Variants in DYNC1I1 observed in about 807,000 individuals in gnomAD.
DYNC1I1 encodes cytoplasmic dynein 1 intermediate chain 1.
A neutral mutation model predicts 86.6 loss-of-function variants in DYNC1I1; 43 were observed. The ratio of observed to expected loss-of-function variants is 0.50; its 90% CI spans 0.39 to 0.64. DYNC1I1 has a LOEUF of 0.64. DYNC1I1 is among the 30% of genes least tolerant of loss of function. The pLI, the probability that DYNC1I1 is intolerant of heterozygous loss-of-function variation, is 0.00. For missense variants in DYNC1I1, 604 were observed against 788.8 expected (o/e 0.77, Z 2.81); for synonymous variants, 262 against 283.7 (o/e 0.92, Z 0.77).
intron 5 of DYNC1I1, among the ~76,000 whole-genome samples, chr7:95,849,431 A>G (rs1157170413): frequency 1.3e-5 from 2 of 152,136 alleles, no homozygotes; most frequent in African/African-American, 4.8e-5. Context: ...ATTCTTCTGC[A>G]TGTGGATATC....
chr7:95,921,983 G>C (rs1019573394), intron 6 of DYNC1I1, among the ~76,000 whole-genome samples: 1 of 152,096 alleles, frequency 6.6e-6, no homozygotes, highest in Admixed American at 6.6e-5. Flanking sequence ...AATTTAAATT[G>C]TTAACTAGAA....
chr7:95,807,483 A>G (rs1311511514), intron 2 of DYNC1I1, among the ~76,000 whole-genome samples: 1 of 152,138 alleles, frequency 6.6e-6, no homozygotes, highest in Non-Finnish European at 1.5e-5. Flanking sequence ...TCAGGTCTGG[A>G]CAGGCATAGC....
intron 1 of DYNC1I1, among the ~76,000 whole-genome samples, chr7:95,796,640 A>C (rs922274714): frequency 2.6e-5 from 4 of 151,914 alleles, no homozygotes; most frequent in Non-Finnish European, 4.4e-5. Context: ...TCTGCCTTTC[A>C]CTATTTCTTT....
intron 14 of DYNC1I1, among the ~76,000 whole-genome samples, chr7:96,040,749 T>C (rs1789021095): frequency 6.6e-6 from 1 of 151,186 alleles, no homozygotes; most frequent in Non-Finnish European, 1.5e-5. Flanking sequence ...TGAAACATAG[T>C]CTCGCTCTGT....
At chr7:95,928,017 G>A (rs915021452) in intron 6 of DYNC1I1, among the ~76,000 whole-genome samples, 4 of 152,154 alleles carry the variant, frequency 2.6e-5, no homozygotes, top group Admixed American at 1.3e-4. Context: ...GGAAGCCTGC[G>A]CCCTGCCAGC....
intron 12 of DYNC1I1, among the ~76,000 whole-genome samples, chr7:96,033,449 C>T (rs1794859013): frequency 6.6e-6 from 1 of 152,192 alleles, no homozygotes; most frequent in Non-Finnish European, 1.5e-5. Flanking sequence ...GACAAACACA[C>T]AAGACATGCG....
chr7:96,028,654 C>T (rs992167046), intron 11 of DYNC1I1, among the ~76,000 whole-genome samples: 4 of 152,114 alleles, frequency 2.6e-5, no homozygotes, highest in Admixed American at 1.3e-4. Context: ...GGTGGAAACA[C>T]GTATTTTCAA....
At chr7:96,021,190 C>T (rs1431845595) in intron 10 of DYNC1I1, among the ~76,000 whole-genome samples, 1 of 152,154 alleles carries the variant, frequency 6.6e-6, no homozygotes, top group Non-Finnish European at 1.5e-5. Flanking sequence ...TATTTCACCA[C>T]AATTTTAAAA....
chr7:95,858,384 G>A (rs1285265344), intron 5 of DYNC1I1, among the ~76,000 whole-genome samples: 1 of 152,080 alleles, frequency 6.6e-6, no homozygotes, highest in African/African-American at 2.4e-5. Flanking sequence ...GATGTATGTG[G>A]CTGCTGCTGG....
chr7:95,881,983 G>A (rs538329824), intron 6 of DYNC1I1, among the ~76,000 whole-genome samples: 1 of 152,254 alleles, frequency 6.6e-6, no homozygotes, highest in Non-Finnish European at 1.5e-5. Context: ...CCATTTGTTT[G>A]ATATATGCTC....
intron 16 of DYNC1I1, among the ~76,000 whole-genome samples, chr7:96,092,248 A>G (rs1790870856): frequency 6.6e-6 from 1 of 152,226 alleles, no homozygotes; most frequent in Non-Finnish European, 1.5e-5. Context: ...GGAAGAAAGA[A>G]AATAAAAAAA....
At chr7:95,922,227 G>A (rs1221777909) in intron 6 of DYNC1I1, among the ~76,000 whole-genome samples, 1 of 151,838 alleles carries the variant, frequency 6.6e-6, no homozygotes, top group Non-Finnish European at 1.5e-5. Flanking sequence ...GTGTGTAAAG[G>A]TGGTTTCAGT....
At chr7:95,934,079 TGA>T (rs1791975656) in intron 6 of DYNC1I1, among the ~76,000 whole-genome samples, 1 of 151,906 alleles carries the variant, frequency 6.6e-6, no homozygotes, top group Non-Finnish European at 1.5e-5. Flanking sequence ...CTTGGAACAG[TGA>T]TAAAGAAGAA....
At chr7:95,812,413 T>C (rs1435852229) in intron 3 of DYNC1I1, among the ~76,000 whole-genome samples, 1 of 152,156 alleles carries the variant, frequency 6.6e-6, no homozygotes, top group Admixed American at 6.6e-5. Flanking sequence ...AAAATTGCAT[T>C]GGCTTTAGCT....
At chr7:96,009,873 G>A (rs577330709) in intron 10 of DYNC1I1, among the ~76,000 whole-genome samples, 3 of 151,766 alleles carry the variant, frequency 2.0e-5, no homozygotes, top group Admixed American at 6.6e-5. Flanking sequence ...TCCGCCTCTC[G>A]GGTTCAAGCG....
intron 4 of DYNC1I1, among the ~76,000 whole-genome samples, chr7:95,814,543 A>G (rs1374997451): frequency 1.3e-5 from 2 of 152,152 alleles, no homozygotes. Context: ...TTTTCACCTA[A>G]GGCATTAGCA....
At chr7:96,104,723 TATTTA>T (rs1468852349) in intron 16 of DYNC1I1, among the ~76,000 whole-genome samples, 2 of 152,316 alleles carry the variant, frequency 1.3e-5, no homozygotes, top group South Asian at 2.1e-4. Context: ...TCTGTTTCAC[TATTTA>T]ATTTATCTAT....
intron 2 of DYNC1I1, among the ~76,000 whole-genome samples, chr7:95,805,354 G>A (rs924990707): frequency 6.6e-6 from 1 of 152,042 alleles, no homozygotes. Flanking sequence ...TTCCAAAATG[G>A]TATATATATT....
At chr7:95,894,919 G>C (rs114184354) in intron 6 of DYNC1I1, among the ~76,000 whole-genome samples, 1,724 of 152,296 alleles carry the variant, frequency 0.011, 32 homozygotes, top group African/African-American at 0.039. Context: ...GTTGTGTGTT[G>C]TGCAATGAGT....
Sources: gnomAD v4.1 joint callset for allele counts (sites outside exome capture counted in the v4.1 genomes callset) on GRCh38, gnomAD v4.1.1 for gene constraint, MANE v1.5 for transcripts, NCBI Gene and HGNC (gene_info 2026-07-23, HGNC 2026-07-21) for gene names.